The following GRM1 variants were observed in gnomAD, a reference collection of about 807,000 sequenced individuals.
The protein encoded by GRM1 is metabotropic glutamate receptor 1.
GRM1 carries 33 observed loss-of-function variants against 90.9 expected under a neutral mutation model. The observed-to-expected ratio is 0.36, with a 90% CI of 0.28 to 0.49. The LOEUF is 0.49. Ranked by LOEUF, GRM1 falls within the 20% of genes least tolerant of loss-of-function variation. The probability of loss-of-function intolerance (pLI) is 0.99; values close to 1 mark genes in which losing one functional copy is unlikely to be tolerated. For missense variants in GRM1, 1,190 were observed against 1,534.3 expected (o/e 0.78, Z 3.75); for synonymous variants, 700 against 613.2 (o/e 1.14, Z -2.09).
intron 2 of GRM1, among the ~76,000 whole-genome samples, chr6:146,270,889 CTT>C (rs1562571149): frequency 9.3e-6 from 1 of 107,396 alleles, no homozygotes; most frequent in Admixed American, 9.8e-5. Context: ...TTCTTTCTTT[CTT>C]TCTTTCTTTC....
chr6:146,142,387 G>A (rs1776912547), intron 1 of GRM1, among the ~76,000 whole-genome samples: 2 of 152,116 alleles, frequency 1.3e-5, no homozygotes, highest in Admixed American at 1.3e-4. Flanking sequence ...ACTCACACAA[G>A]ACCCACTGTA....
At chr6:146,208,092 C>A (rs1357746362) in intron 2 of GRM1, among the ~76,000 whole-genome samples, 32 of 152,202 alleles carry the variant, frequency 2.1e-4, no homozygotes, top group Non-Finnish European at 2.5e-4. Flanking sequence ...GATTCACTGT[C>A]ATCAGACTTC....
At chr6:146,252,358 C>T (rs1468461450) in intron 2 of GRM1, among the ~76,000 whole-genome samples, 2 of 152,294 alleles carry the variant, frequency 1.3e-5, no homozygotes, top group Non-Finnish European at 2.9e-5. Context: ...ATAAATTAGG[C>T]TGGGTGTGGT....
At chr6:146,113,414 C>T (rs1211837582) in intron 1 of GRM1, among the ~76,000 whole-genome samples, 1 of 152,188 alleles carries the variant, frequency 6.6e-6, no homozygotes, top group Non-Finnish European at 1.5e-5. Context: ...ATTTGGCATG[C>T]TGCAAGGATA....
In GRM1 at chr6:146,434,194, C is replaced by T. The variant is rs1778512646; in HGVS notation, c.2983C>T (p.Leu995=). 1.2e-6 allele frequency: 2 copies of T among 1,612,524 alleles called. No homozygotes were observed. Among genetic ancestry groups the T allele is most frequent in the East Asian group, 4.5e-5 (2 of 44,842 alleles). ...GACCACTCCGCCTCTGCCGTCCCAC[C>T]TGACCGCAGAGGAGACCCCCCTCTT... ...AATTPPLPSH[L]TAEETPLFLA... is the part of the protein sequence containing the mutation. The change falls in exon 8 of 8, where the codon CTG becomes TTG. Residue 995 remains leucine (L), a synonymous_variant. Coordinates refer to ENST00000282753, the MANE Select transcript of GRM1 (RefSeq NM_001278064.2).
intron 1 of GRM1, among the ~76,000 whole-genome samples, chr6:146,056,637 A>T (rs1298130012): frequency 1.3e-5 from 2 of 152,082 alleles, no homozygotes; most frequent in East Asian, 3.9e-4. Context: ...AAAATTAGGG[A>T]TTTGTGCCAA....
At position 146,399,146 on chromosome 6, in the gene GRM1, G is replaced by T. The variant is rs1260032131; in HGVS notation, c.2107G>T (p.Ala703Ser). The T allele has an allele frequency of 6.2e-7, 1 of 1,614,020 alleles. No individual in the cohort carries two copies. The highest frequency in any genetic ancestry group is 8.5e-7 in the Non-Finnish European group (1 of 1,179,924). ...CACCCGGAAGCCCAGGTTCATGAGT[G>T]CCTGGGCTCAGGTGATCATTGCCTC... ...ICTRKPRFMS[A>S]WAQVIIASIL... The change falls in exon 7 of 8, where the codon GCC becomes TCC. Residue 703 changes from alanine (A) to serine (S), a missense_variant. Ala to Ser is a moderately conservative substitution (Grantham distance 99). Around this residue, in one of 10 missense-constraint regions of GRM1, gnomAD observed 414 missense variants for 598.4 expected, o/e 0.69. Coordinates refer to ENST00000282753, the MANE Select transcript of GRM1 (RefSeq NM_001278064.2). The surrounding 1 kb of genome is among the most constrained non-coding windows in gnomAD (Gnocchi z 5.4).
At chr6:146,343,496 A>G (rs1402629989) in intron 3 of GRM1, among the ~76,000 whole-genome samples, 1 of 152,044 alleles carries the variant, frequency 6.6e-6, no homozygotes, top group Non-Finnish European at 1.5e-5. Context: ...ATTTATTTAT[A>G]TCAGCATGGG....
chr6:146,163,179 G>A (rs1777798310), intron 2 of GRM1, among the ~76,000 whole-genome samples: 2 of 152,214 alleles, frequency 1.3e-5, no homozygotes, highest in Non-Finnish European at 2.9e-5. Flanking sequence ...AGACCCAGGG[G>A]AGAATCAAAC....
chr6:146,230,060 GA>G (rs1232670400), intron 2 of GRM1, among the ~76,000 whole-genome samples: 1 of 152,134 alleles, frequency 6.6e-6, no homozygotes, highest in East Asian at 1.9e-4. Context: ...GGAAAGTTAT[GA>G]AAAAATGCTT....
chr6:146,364,005 A>G (rs948294535), intron 5 of GRM1, among the ~76,000 whole-genome samples: 2 of 152,234 alleles, frequency 1.3e-5, no homozygotes, highest in Admixed American at 1.3e-4. Context: ...GGAAGAGGAT[A>G]GACGACGCAT....
At chr6:146,039,342 AC>A (rs1201263012) in intron 1 of GRM1, among the ~76,000 whole-genome samples, 1 of 152,010 alleles carries the variant, frequency 6.6e-6, no homozygotes, top group Non-Finnish European at 1.5e-5. Context: ...AAAAGCACTG[AC>A]ATAGAAAGCA....
At chr6:146,028,341 A>G (rs1790573900), upstream of GRM1, among the ~76,000 whole-genome samples, 1 of 151,486 alleles carries the variant, frequency 6.6e-6, no homozygotes, top group Non-Finnish European at 1.5e-5. Flanking sequence ...ATTGCAACTC[A>G]CTGGTCAAAG....
At chr6:146,198,773 A>G (rs553332828) in intron 2 of GRM1, among the ~76,000 whole-genome samples, 43 of 152,326 alleles carry the variant, frequency 2.8e-4, no homozygotes, top group Admixed American at 2.5e-3. Flanking sequence ...GTGTACCATT[A>G]TATGAATATA....
At chr6:146,120,969 A>T (rs1775963984) in intron 1 of GRM1, among the ~76,000 whole-genome samples, 1 of 152,032 alleles carries the variant, frequency 6.6e-6, no homozygotes, top group African/African-American at 2.4e-5. Flanking sequence ...GTTAGGGAGG[A>T]TTCCCTCTTT....
At chr6:146,136,739 T>C (rs945041071) in intron 1 of GRM1, among the ~76,000 whole-genome samples, 6 of 151,880 alleles carry the variant, frequency 4.0e-5, no homozygotes, top group African/African-American at 1.5e-4. Flanking sequence ...AGTTGCAGGA[T>C]ACAAATCAAT....
intron 2 of GRM1, among the ~76,000 whole-genome samples, chr6:146,196,563 C>T (rs1026022982): frequency 2.6e-5 from 4 of 151,064 alleles, no homozygotes; most frequent in African/African-American, 9.8e-5. Flanking sequence ...CCTTGGCCTC[C>T]CAAAGTGCTG....
At chr6:146,156,771 G>A (rs556396111) in intron 1 of GRM1, among the ~76,000 whole-genome samples, 104 of 152,316 alleles carry the variant, frequency 6.8e-4, no homozygotes, top group African/African-American at 2.5e-3. Flanking sequence ...AGAGGAGAGA[G>A]AAAGGATTAA....
Position 146,314,880 on chromosome 6 carries a change from G to A in GRM1, c.1186+10034G>A, listed in dbSNP as rs759607242. On this transcript the variant is annotated intron_variant, in intron 3 of 7. Transcript: ENST00000282753. ...TAGCTACTATGGAATCAAGGTTGTC[G>A]TATCTCTGAACAATTTCCTGAGTAT... is the stretch of plus-strand genomic sequence containing the variant. Among the ~76,000 whole-genome samples, 7 of 152,030 alleles carry A rather than the reference G, an allele frequency of 4.6e-5. No homozygotes were observed. In the South Asian group the frequency reaches 6.2e-4, roughly 14 times the overall value.
Sources: gnomAD v4.1 joint callset for allele counts (sites outside exome capture counted in the v4.1 genomes callset) on GRCh38, gnomAD v4.1.1 for gene constraint, gnomAD v4.1.1 regional missense constraint, Gnocchi (gnomAD v3.1) non-coding constraint, MANE v1.5 for transcripts, NCBI Gene and HGNC (gene_info 2026-07-23, HGNC 2026-07-21) for gene names.